CELF2: variants seen among roughly 807,000 people sequenced by gnomAD.
CELF2 encodes CUG triplet repeat RNA-binding protein 2.
Under a neutral mutation model 62.6 loss-of-function variants are expected in CELF2, and 8 were observed. The observed-to-expected ratio is 0.13, with a 90% CI of 0.07 to 0.23. The LOEUF is 0.23. CELF2 is among the 10% of genes least tolerant of loss of function. The probability of loss-of-function intolerance (pLI) is 1.00; values close to 1 mark genes in which losing one functional copy is unlikely to be tolerated. For missense variants in CELF2, 333 were observed against 671.0 expected, an observed-to-expected ratio of 0.50 and a Z score of 5.56; for synonymous variants, 258 against 250.0, an observed-to-expected ratio of 1.03 and a Z score of -0.30.
intron 2 of CELF2, among the ~76,000 whole-genome samples, chr10:11,180,562 C>T (rs756887893): frequency 4.6e-5 from 7 of 152,168 alleles, no homozygotes; most frequent in Admixed American, 1.3e-4. Flanking sequence ...TCCAGGCTGA[C>T]GCTATCTCCC....
intron 2 of CELF2, among the ~76,000 whole-genome samples, chr10:10,971,170 G>A (rs1381113412): frequency 6.6e-6 from 1 of 152,016 alleles, no homozygotes; most frequent in Non-Finnish European, 1.5e-5. Context: ...GCTCCTTCCT[G>A]GTCCAAGTCA....
chr10:10,548,320 G>A, the CELF2 span, among the ~76,000 whole-genome samples: 1 of 152,174 alleles, frequency 6.6e-6, no homozygotes, highest in Non-Finnish European at 1.5e-5. Context: ...GTTTCTTCCT[G>A]GAGGGCATTA....
chr10:11,274,910 A>G, intron 7 of CELF2, 147 bp from the exon 8 acceptor site: 1 of 700,282 alleles, frequency 1.4e-6, no homozygotes, highest in Non-Finnish European at 2.6e-6. Context: ...ATGGATTTAC[A>G]GCCCCAGCTC....
Position 10,998,521 on chromosome 10 carries a change from A to T in CELF2, c.89+78522A>T, listed in dbSNP as rs1210419565. ...TGATGGTATATCTCATTAGGAACTG[A>T]TTTAAGGAAATGTGTGGGGCCTTTA... On this transcript the variant is annotated intron_variant, in intron 2 of 13. Transcript: ENST00000636488. 2.0e-5 allele frequency among the ~76,000 whole-genome samples: 3 copies of T among 152,204 alleles called. 1 individual carries two copies. The highest frequency in any genetic ancestry group is 4.4e-5 in the Non-Finnish European group (3 of 68,042).
chr10:10,522,460 A>G, the CELF2 span, among the ~76,000 whole-genome samples: 21,418 of 152,254 alleles, frequency 0.14, 1,730 homozygotes, highest in East Asian at 0.23. Flanking sequence ...CACCGGAACC[A>G]TGTTCTCACA....
At position 11,129,747 on chromosome 10, in the gene CELF2, G is replaced by A. The variant is rs148402944; in HGVS notation, c.75-35739G>A. Among the ~76,000 whole-genome samples, 230 of 152,110 alleles carry A rather than the reference G, an allele frequency of 1.5e-3. 1 individual carries two copies. The highest frequency in any genetic ancestry group is 5.0e-3 in the African/African-American group (207 of 41,514). ...TATCCCCGTTATCATTTTTTATTGCGTCTATTTGATTCTTCTCTCTCTTCT... is the reference window on the plus strand; with the variant it reads ...TATCCCCGTTATCATTTTTTATTGCATCTATTTGATTCTTCTCTCTCTTCT... On this transcript the variant is annotated intron_variant, in intron 1 of 12. Coordinates refer to ENST00000633077, the MANE Select transcript of CELF2 (RefSeq NM_001326342.2).
chr10:10,712,157 A>AAAAC, the CELF2 span, among the ~76,000 whole-genome samples: 2 of 146,196 alleles, frequency 1.4e-5, no homozygotes, highest in African/African-American at 5.3e-5. Context: ...CAAAAAAAAA[A>AAAAC]AAAAAAAAAA....
At chr10:10,729,562 G>A in the CELF2 span, among the ~76,000 whole-genome samples, 7 of 151,892 alleles carry the variant, frequency 4.6e-5, no homozygotes, top group Admixed American at 1.3e-4. Context: ...GACAAAGATC[G>A]CACCACTACA....
Position 11,280,185 on chromosome 10 carries a change from G to A in CELF2, c.841+5065G>A, listed in dbSNP as rs56031121. ...CCACATACCTCAGAAAAGAGAGAGC[G>A]ACAGAGGGGAACCAGAAAGAGGACT... On this transcript the variant is annotated intron_variant, in intron 8 of 12. Transcript: ENST00000633077. This position sits in a 1 kb window ranked among gnomAD's most constrained non-coding sequence, Gnocchi z 7.6. Among the ~76,000 whole-genome samples, 193 of 152,254 alleles carry A rather than the reference G, an allele frequency of 1.3e-3. 2 individuals are homozygous for A. Among genetic ancestry groups the A allele is most frequent in the Non-Finnish European group, 2.4e-3 (163 of 68,030 alleles).
the CELF2 span, among the ~76,000 whole-genome samples, chr10:10,758,441 G>A: frequency 6.6e-6 from 1 of 152,176 alleles, no homozygotes; most frequent in Non-Finnish European, 1.5e-5. Flanking sequence ...ATATGGGCCT[G>A]TGAAATGACA....
the CELF2 span, among the ~76,000 whole-genome samples, chr10:10,463,009 T>C: frequency 6.6e-6 from 1 of 152,118 alleles, no homozygotes; most frequent in African/African-American, 2.4e-5. Context: ...TGTTTACTCA[T>C]CAAACAGGAA....
At chr10:10,903,080 G>C (rs1291971960) in intron 1 of CELF2, among the ~76,000 whole-genome samples, 1 of 152,194 alleles carries the variant, frequency 6.6e-6, no homozygotes, top group East Asian at 1.9e-4. Context: ...AGGTTAGTGA[G>C]AGGAAAGTGA....
chr10:10,601,967 C>T, the CELF2 span, among the ~76,000 whole-genome samples: 2 of 152,042 alleles, frequency 1.3e-5, no homozygotes, highest in Admixed American at 1.3e-4. Context: ...TCAACTCCCA[C>T]TTATAAGTGA....
the CELF2 span, among the ~76,000 whole-genome samples, chr10:10,678,974 A>C: frequency 2.6e-4 from 40 of 152,318 alleles, no homozygotes; most frequent in African/African-American, 9.6e-4. Flanking sequence ...GAGCAAATAA[A>C]ACAAATCAAA....
Position 11,169,591 on chromosome 10 carries a change from G to A in CELF2, c.271+3909G>A, listed in dbSNP as rs553813148. ...AGAGAAGGGAAGGCCACAAAGCCTA[G>A]AGCTATAGGCTAGAGCAGCTCTTAG... On this transcript the variant is annotated intron_variant, in intron 2 of 12. Coordinates refer to ENST00000633077, the MANE Select transcript of CELF2 (RefSeq NM_001326342.2). Among the ~76,000 whole-genome samples the A allele has an allele frequency of 6.6e-5, 10 of 152,284 alleles. No homozygotes were observed. The East Asian group carries it at 1.7e-3, about 26-fold the overall frequency.
At chr10:10,709,495 A>G in the CELF2 span, among the ~76,000 whole-genome samples, 1 of 152,214 alleles carries the variant, frequency 6.6e-6, no homozygotes, top group Non-Finnish European at 1.5e-5. Context: ...ATGTGATTTT[A>G]AAATAGTACT....
At chr10:10,508,045 C>T in the CELF2 span, among the ~76,000 whole-genome samples, 1 of 151,952 alleles carries the variant, frequency 6.6e-6, no homozygotes, top group East Asian at 1.9e-4. Flanking sequence ...AGGAAAGAGC[C>T]TTTGCAAAAA....
At chr10:10,974,384 A>G (rs1466667188) in intron 2 of CELF2, among the ~76,000 whole-genome samples, 2 of 152,176 alleles carry the variant, frequency 1.3e-5, no homozygotes, top group Non-Finnish European at 2.9e-5. Flanking sequence ...AGTTAGAGAG[A>G]GGTGTTAGAA....
chr10:10,955,544 T>C (rs1389109985), intron 2 of CELF2, among the ~76,000 whole-genome samples: 1 of 152,230 alleles, frequency 6.6e-6, no homozygotes, highest in Non-Finnish European at 1.5e-5. Flanking sequence ...ACGTATGAAC[T>C]CATTCAACCG....
Sources: allele counts gnomAD v4.1 joint callset (sites outside exome capture counted in the v4.1 genomes callset), GRCh38; gene constraint gnomAD v4.1.1; non-coding constraint Gnocchi (gnomAD v3.1); transcripts MANE v1.5; gene names NCBI Gene and HGNC (gene_info 2026-07-23, HGNC 2026-07-21).